The following TNKS variants were observed in gnomAD, a reference collection of about 807,000 sequenced individuals.
TNKS encodes poly [ADP-ribose] polymerase tankyrase-1.
In TNKS, 72 loss-of-function variants were observed where a neutral mutation model predicts 135.8. The observed-to-expected ratio is 0.53, with a 90% CI of 0.44 to 0.64. The LOEUF is 0.64. TNKS is among the 30% of genes least tolerant of loss of function. The pLI, the probability that TNKS is intolerant of heterozygous loss-of-function variation, is 0.00. For missense variants in TNKS, 1,769 were observed against 1,674.0 expected, an observed-to-expected ratio of 1.06 and a Z score of -0.99; for synonymous variants, 849 against 649.3, an observed-to-expected ratio of 1.31 and a Z score of -4.68.
rs567810946 is a variant in TNKS, at chr8:9,583,720, C to A, written c.898+3337C>A. 6.6e-5 allele frequency among the ~76,000 whole-genome samples: 10 copies of A among 152,182 alleles called. No individual in the cohort carries two copies. In the East Asian group the frequency reaches 2.0e-3, roughly 30 times the overall value. On this transcript the variant is annotated intron_variant, in intron 2 of 26. Transcript: ENST00000310430. The stretch of plus-strand genomic sequence containing the variant: ...GCCAGGATGCTCTCGATCTCTTGAC[C>A]TTGTGATCCGCCTGTCTCAGCCTCC...
At chr8:9,584,661 G>A (rs998608236) in intron 2 of TNKS, among the ~76,000 whole-genome samples, 1 of 152,186 alleles carries the variant, frequency 6.6e-6, no homozygotes, top group African/African-American at 2.4e-5. Context: ...CTAAATGGAA[G>A]TTGCAGAATG....
At chr8:9,655,882 A>T (rs2128783895) in intron 3 of TNKS, among the ~76,000 whole-genome samples, 1 of 152,334 alleles carries the variant, frequency 6.6e-6, no homozygotes, top group South Asian at 2.1e-4. Context: ...AACAGAACAA[A>T]GCTGGACGGA....
intron 1 of TNKS, among the ~76,000 whole-genome samples, chr8:9,570,383 G>T (rs1797710951): frequency 6.7e-6 from 1 of 149,652 alleles, no homozygotes; most frequent in Non-Finnish European, 1.5e-5. Context: ...GCCAATGAAT[G>T]AAACATAATG....
rs369622441 is a variant in TNKS at position 9,763,115 on chromosome 8, T to C, written c.3275-32T>C. On this transcript the variant is annotated intron_variant, in intron 21 of 26. Coordinates refer to ENST00000310430, the MANE Select transcript of TNKS (RefSeq NM_003747.3). The stretch of plus-strand genomic sequence containing the variant: ...AATAGAGCCTGAGTAGTGTAGACTT[T>C]TGTTTTATATGTTAATTTTTCTCTC... The C allele has an allele frequency of 2.7e-5, 35 of 1,301,286 alleles. 1 individual carries two copies. Among genetic ancestry groups the C allele is most frequent in the South Asian group, 1.7e-4 (12 of 71,270 alleles). 80.6% of individuals were successfully genotyped at this position (1,301,286 alleles called of 1,614,324 possible). A position where few individuals can be genotyped will look rare whatever the true frequency, so the allele number is the denominator to read the frequency against.
At chr8:9,556,817 A>G (rs1338631461) in intron 1 of TNKS, 1 of 577,658 alleles carries the variant, frequency 1.7e-6, no homozygotes, top group Non-Finnish European at 3.0e-6. Flanking sequence ...AATCCAAGGA[A>G]TTCTTCAGTG....
intron 17 of TNKS, among the ~76,000 whole-genome samples, chr8:9,738,691 T>G (rs1290655521): frequency 1.6e-5 from 1 of 63,164 alleles, no homozygotes; most frequent in Non-Finnish European, 3.1e-5. Context: ...TTGTTCAGTT[T>G]CCATGTAGTT....
intron 1 of TNKS, chr8:9,557,047 G>A (rs752400716): frequency 1.7e-5 from 4 of 229,072 alleles, no homozygotes; most frequent in African/African-American, 4.5e-5. Flanking sequence ...CATGTTTGAG[G>A]ATCTATTGTA....
At chr8:9,686,141 A>G (rs13270801) in intron 5 of TNKS, among the ~76,000 whole-genome samples, 1 of 151,912 alleles carries the variant, frequency 6.6e-6, no homozygotes, top group East Asian at 1.9e-4. Context: ...ACTCTGTCCT[A>G]TTCAGGACAC....
At chr8:9,649,325 C>T (rs1009293266) in intron 3 of TNKS, among the ~76,000 whole-genome samples, 2 of 152,072 alleles carry the variant, frequency 1.3e-5, no homozygotes, top group Non-Finnish European at 2.9e-5. Flanking sequence ...CCAGAGAATA[C>T]TGGACAAATT....
At chr8:9,611,153 C>T (rs187155278) in intron 2 of TNKS, among the ~76,000 whole-genome samples, 21 of 152,234 alleles carry the variant, frequency 1.4e-4, no homozygotes, top group East Asian at 3.9e-4. Context: ...ACATTTTCTC[C>T]GCCCGTCTTA....
intron 21 of TNKS, 124 bp downstream of exon 21, chr8:9,761,760 C>T (rs936538169): frequency 5.8e-5 from 57 of 990,938 alleles, no homozygotes; most frequent in Non-Finnish European, 7.7e-5. Context: ...TACCTCCTGT[C>T]CCTTCCCCAT....
chr8:9,713,913 T>A (rs191679866), intron 11 of TNKS, among the ~76,000 whole-genome samples: 4 of 152,302 alleles, frequency 2.6e-5, no homozygotes, highest in East Asian at 1.9e-4. Context: ...AACTCATGGT[T>A]TCCATTTGAT....
chr8:9,600,527 G>A (rs1798978123), intron 2 of TNKS, among the ~76,000 whole-genome samples: 1 of 151,968 alleles, frequency 6.6e-6, no homozygotes, highest in Non-Finnish European at 1.5e-5. Flanking sequence ...TGACCGGGAT[G>A]GTCTTGAACT....
chr8:9,560,562 A>C (rs993134734), intron 1 of TNKS, among the ~76,000 whole-genome samples: 1 of 136,622 alleles, frequency 7.3e-6, no homozygotes, highest in African/African-American at 2.8e-5. Flanking sequence ...CCTGTTAATA[A>C]TAGAAGTCAC....
chr8:9,711,316 G>T (rs1268025200), intron 11 of TNKS, among the ~76,000 whole-genome samples: 1 of 152,226 alleles, frequency 6.6e-6, no homozygotes, highest in Non-Finnish European at 1.5e-5. Context: ...GTTTCCTGAG[G>T]TAAGAGTGGG....
intron 3 of TNKS, among the ~76,000 whole-genome samples, chr8:9,664,408 C>A (rs1007957652): frequency 7.9e-5 from 12 of 152,178 alleles, no homozygotes; most frequent in African/African-American, 2.9e-4. Context: ...TTAAATTATT[C>A]ATGAGGGATC....
chr8:9,569,034 A>G (rs1413021824), intron 1 of TNKS, among the ~76,000 whole-genome samples: 3 of 152,246 alleles, frequency 2.0e-5, no homozygotes, highest in African/African-American at 7.2e-5. Flanking sequence ...AATAAAAATA[A>G]TAAGCATAAT....
chr8:9,558,244 A>T (rs145052978), intron 1 of TNKS: 3 of 152,296 alleles, frequency 2.0e-5, no homozygotes, highest in African/African-American at 7.2e-5. Flanking sequence ...GACCAGTGGT[A>T]TGAGAAACAC....
chr8:9,671,852 C>T (rs1274890457), intron 3 of TNKS, among the ~76,000 whole-genome samples: 1 of 152,212 alleles, frequency 6.6e-6, no homozygotes, highest in Non-Finnish European at 1.5e-5. Context: ...TCAACTGCCT[C>T]TCAAAATATT....
Sources: allele counts gnomAD v4.1 joint callset (sites outside exome capture counted in the v4.1 genomes callset), GRCh38; gene constraint gnomAD v4.1.1; transcripts MANE v1.5; gene names NCBI Gene and HGNC (gene_info 2026-07-23, HGNC 2026-07-21).